TMEM164: variants seen among roughly 807,000 people sequenced by gnomAD.
TMEM164 encodes transmembrane protein 164, also known as RP13-360B22.2.
In TMEM164, 4 loss-of-function variants were observed where a neutral mutation model predicts 18.8. The observed-to-expected ratio is 0.21, with a 90% confidence interval of 0.10 to 0.49. The LOEUF (loss-of-function observed/expected upper bound fraction) is 0.49. Among genes scored for constraint, TMEM164 ranks in the 20% least tolerant of loss-of-function variants. The pLI is 0.98. For synonymous variants in TMEM164, 86 were observed against 101.7 expected (o/e 0.85, Z 0.93); for missense variants, 108 against 239.9 (o/e 0.45, Z 3.63).
intron 2 of TMEM164, among the ~76,000 whole-genome samples, chrX:110,040,278 T>C (rs1000203182): frequency 2.7e-5 from 3 of 112,438 alleles, no homozygotes; most frequent in Non-Finnish European, 3.8e-5. Flanking sequence ...TAATGTGAAT[T>C]GTAGCCTTTG....
chrX:110,146,870 A>G (rs1017848902), intron 5 of TMEM164, among the ~76,000 whole-genome samples: 1 of 112,468 alleles, frequency 8.9e-6, no homozygotes, highest in African/African-American at 3.2e-5. Flanking sequence ...CTGTCAGAAG[A>G]TTAGTTTTCT....
intron 5 of TMEM164, among the ~76,000 whole-genome samples, chrX:110,154,121 C>T (rs944796646): frequency 2.2e-4 from 25 of 111,788 alleles, no homozygotes; most frequent in African/African-American, 7.2e-4. Context: ...GTTACATTAG[C>T]AGCACTTGGC....
At chrX:110,118,891 T>C (rs1244751817) in intron 4 of TMEM164, among the ~76,000 whole-genome samples, 1 of 111,866 alleles carries the variant, frequency 8.9e-6, no homozygotes, top group Non-Finnish European at 1.9e-5. Context: ...GTTTTGTGGC[T>C]GCCCCTACAT....
At chrX:110,101,602 C>T (rs1315664265) in intron 3 of TMEM164, among the ~76,000 whole-genome samples, 1 of 92,933 alleles carries the variant, frequency 1.1e-5, no homozygotes, top group Non-Finnish European at 2.0e-5. Flanking sequence ...TTTTTTGAGA[C>T]AGTGTCTCAC....
At chrX:110,069,143 A>G (rs2065545300) in intron 3 of TMEM164, among the ~76,000 whole-genome samples, 1 of 111,736 alleles carries the variant, frequency 8.9e-6, no homozygotes, top group Non-Finnish European at 1.9e-5. Flanking sequence ...TGTTGCTTTC[A>G]GTTTAGATAT....
intron 2 of TMEM164, among the ~76,000 whole-genome samples, chrX:110,062,780 A>G (rs1322167383): frequency 1.8e-5 from 2 of 111,886 alleles, no homozygotes; most frequent in African/African-American, 6.5e-5. Flanking sequence ...AGAGGTAGGC[A>G]GGATCTAGAG....
At chrX:110,045,458 G>A (rs1230439806) in intron 2 of TMEM164, among the ~76,000 whole-genome samples, 4 of 111,537 alleles carry the variant, frequency 3.6e-5, no homozygotes, top group East Asian at 2.8e-4. Flanking sequence ...GGTTTGTATC[G>A]TATGTATTTT....
rs181369836 is a variant in TMEM164, at chrX:110,148,089, A to G, written c.586+3213A>G. ...TTCTGATTAGGGCCATGAAAATTTC[A>G]TGATGTCTATTATAATTGTGCTCTC... is the stretch of plus-strand genomic sequence containing the variant. On this transcript the variant is annotated intron_variant, in intron 5 of 6. Transcript: ENST00000372068. Among the ~76,000 whole-genome samples the G allele has an allele frequency of 5.4e-5, 6 of 110,715 alleles. No homozygotes were observed. In the East Asian group the frequency reaches 1.7e-3, roughly 31 times the overall value.
intron 3 of TMEM164, among the ~76,000 whole-genome samples, chrX:110,085,157 CTT>C (rs769083794): frequency 1.4e-4 from 13 of 96,241 alleles, no homozygotes; most frequent in Admixed American, 2.3e-4. Flanking sequence ...TTCATATGAA[CTT>C]TTTTTTTTTT....
chrX:110,072,088 G>A (rs34946103), intron 3 of TMEM164, among the ~76,000 whole-genome samples: 47,713 of 107,804 alleles, frequency 0.44, 9,463 homozygotes, highest in Non-Finnish European at 0.62. Flanking sequence ...ACCACCTGAG[G>A]TCAGGAGTTC....
chrX:110,056,612 G>A (rs1175639628), intron 2 of TMEM164, among the ~76,000 whole-genome samples: 1 of 111,872 alleles, frequency 8.9e-6, no homozygotes, highest in Non-Finnish European at 1.9e-5. Context: ...TCAAGGAGCT[G>A]CCAGACTGTT....
chrX:110,072,265 C>T (rs1490095322), intron 3 of TMEM164, among the ~76,000 whole-genome samples: 2 of 92,409 alleles, frequency 2.2e-5, no homozygotes, highest in Admixed American at 1.3e-4. Flanking sequence ...CGCACCACTG[C>T]ACACCAGCCT....
At chrX:110,061,437 G>A (rs898173312) in intron 2 of TMEM164, among the ~76,000 whole-genome samples, 8 of 112,129 alleles carry the variant, frequency 7.1e-5, no homozygotes, top group Admixed American at 2.8e-4. Flanking sequence ...AATGCTAACT[G>A]TCCTCCTTCC....
At chrX:110,022,229 A>G (rs1251511296) in intron 2 of TMEM164, among the ~76,000 whole-genome samples, 1 of 106,414 alleles carries the variant, frequency 9.4e-6, no homozygotes, top group Non-Finnish European at 1.9e-5. Context: ...GTATTGAGTG[A>G]TATCTCAATA....
intron 2 of TMEM164, among the ~76,000 whole-genome samples, chrX:110,033,964 C>T (rs756448564): frequency 3.6e-5 from 4 of 110,675 alleles, no homozygotes; most frequent in South Asian, 7.7e-4. Context: ...TTCCCCCCCG[C>T]CCCACCGCCC....
chrX:110,015,120 C>T (rs1287651433), intron 2 of TMEM164, among the ~76,000 whole-genome samples: 3 of 112,017 alleles, frequency 2.7e-5, no homozygotes, highest in Non-Finnish European at 5.6e-5. Context: ...AGGTCTGGGG[C>T]CTAAGCCACC....
At chrX:110,031,822 CTA>C (rs1478413773) in intron 2 of TMEM164, among the ~76,000 whole-genome samples, 1 of 109,668 alleles carries the variant, frequency 9.1e-6, no homozygotes, top group African/African-American at 3.3e-5. Context: ...CTCTCTACTT[CTA>C]TGAGATCAAC....
At chrX:110,178,197 C>G (rs2067309191), downstream of TMEM164, among the ~76,000 whole-genome samples, 1 of 112,470 alleles carries the variant, frequency 8.9e-6, no homozygotes, top group Admixed American at 9.4e-5. Context: ...GGACCATGAA[C>G]AAGATAGCCT....
chrX:110,102,207 A>G (rs148029899), intron 3 of TMEM164, among the ~76,000 whole-genome samples: 1,934 of 107,844 alleles, frequency 0.018, 39 homozygotes, highest in African/African-American at 0.053. Flanking sequence ...AAAACTGGGC[A>G]TAGTGGCAGG....
Sources: allele counts gnomAD v4.1 joint callset (sites outside exome capture counted in the v4.1 genomes callset), GRCh38; gene constraint gnomAD v4.1.1; transcripts MANE v1.5; gene names NCBI Gene and HGNC (gene_info 2026-07-23, HGNC 2026-07-21).